The following RAD54L2 variants were observed in gnomAD, a reference collection of about 807,000 sequenced individuals.
The protein encoded by RAD54L2 is helicase ARIP4.
Under a neutral mutation model 138.4 loss-of-function variants are expected in RAD54L2, and 27 were observed. That is an observed-to-expected ratio of 0.20 (90% CI 0.14 to 0.27). RAD54L2 has a LOEUF of 0.27. Among genes scored for constraint, RAD54L2 ranks in the 10% least tolerant of loss-of-function variants. RAD54L2 has a pLI of 1.00. For synonymous variants in RAD54L2, 644 were observed against 723.2 expected (o/e 0.89, Z 1.76); for missense variants, 1,396 against 1,890.2 (o/e 0.74, Z 4.85).
At chr3:51,632,109 T>C (rs1700859804) in intron 7 of RAD54L2, among the ~76,000 whole-genome samples, 2 of 152,376 alleles carry the variant, frequency 1.3e-5, no homozygotes, top group South Asian at 4.1e-4. Context: ...GGGTTTCATT[T>C]AACATAATGA....
In RAD54L2 at chr3:51,645,268, C is replaced by A; in HGVS notation, c.2656+39C>A. On this transcript the variant is annotated intron_variant, in intron 17 of 22. Coordinates refer to ENST00000684192, the MANE Select transcript of RAD54L2 (RefSeq NM_015106.4). This position sits in a 1 kb window ranked among gnomAD's most constrained non-coding sequence, Gnocchi z 6.1. ...CAGACTTCGGAGAGGCACATCTATA[C>A]AGGCTACCATCCTTTTAGTATCAAG... is the stretch of plus-strand genomic sequence containing the variant. 1 of 1,536,538 alleles carries A rather than the reference C, an allele frequency of 6.5e-7. No homozygotes were observed. Among genetic ancestry groups the A allele is most frequent in the Non-Finnish European group, 8.9e-7 (1 of 1,121,696 alleles).
chr3:51,547,206 G>T (rs1451241466), intron 2 of RAD54L2, among the ~76,000 whole-genome samples: 1 of 151,960 alleles, frequency 6.6e-6, no homozygotes, highest in South Asian at 2.1e-4. Flanking sequence ...ATAAAAATTA[G>T]CTGGGCAAGG....
intron 2 of RAD54L2, among the ~76,000 whole-genome samples, chr3:51,578,915 G>A (rs901876926): frequency 4.6e-5 from 7 of 152,146 alleles, no homozygotes; most frequent in South Asian, 2.1e-4. Flanking sequence ...GAGGTCACAC[G>A]AACGAATTGA....
chr3:51,660,768 C>G (rs1385266763), intron 22 of RAD54L2, among the ~76,000 whole-genome samples: 1 of 151,490 alleles, frequency 6.6e-6, no homozygotes, highest in Admixed American at 6.6e-5. Context: ...ATTACAGAAG[C>G]ATGCCACCAC....
At position 51,645,708 on chromosome 3, in the gene RAD54L2, T is replaced by C. The variant is rs781150838; in HGVS notation, c.2774T>C (p.Ile925Thr). Residue 925 changes from isoleucine (I) to threonine (T), a missense_variant, in exon 18 of 23, where the codon ATC (isoleucine) becomes ACC (threonine). Around this residue, in one of 7 missense-constraint regions of RAD54L2, gnomAD observed 634 missense variants for 711.2 expected, o/e 0.89. Coordinates refer to ENST00000684192, the MANE Select transcript of RAD54L2 (RefSeq NM_015106.4). The surrounding 1 kb of genome is among the most constrained non-coding windows in gnomAD (Gnocchi z 6.1). ...APQVSLNVKG[I>T]KESVLQLACL... ...CAAGTTTCCTTGAACGTAAAGGGGATCAAGGAGTCAGTCCTGCAACTGGCC... is the reference window on the plus strand; with the variant it reads ...CAAGTTTCCTTGAACGTAAAGGGGACCAAGGAGTCAGTCCTGCAACTGGCC... 3.7e-6 allele frequency: 6 copies of C among 1,612,784 alleles called. No homozygotes were observed. The highest frequency in any genetic ancestry group is 5.1e-6 in the Non-Finnish European group (6 of 1,179,504).
intron 2 of RAD54L2, among the ~76,000 whole-genome samples, chr3:51,583,228 TCTC>T (rs1213079293): frequency 1.3e-5 from 2 of 152,180 alleles, no homozygotes; most frequent in Admixed American, 6.6e-5. Context: ...GATTCCTAGA[TCTC>T]CTTCAACATA....
chr3:51,601,926 G>A (rs1327628927), intron 3 of RAD54L2, among the ~76,000 whole-genome samples: 2 of 151,324 alleles, frequency 1.3e-5, no homozygotes, highest in Non-Finnish European at 2.9e-5. Flanking sequence ...GTGCGATCTC[G>A]GCTTACTGCA....
At chr3:51,629,232 C>A in intron 4 of RAD54L2, 102 bp from the exon 5 acceptor site, 1 of 1,325,686 alleles carries the variant, frequency 7.5e-7, no homozygotes, top group Non-Finnish European at 1.0e-6. Flanking sequence ...CTTCTCCCGC[C>A]TCGACTCTGA....
At position 51,633,729 on chromosome 3, in the gene RAD54L2, G is replaced by A. The variant is rs753671462; in HGVS notation, c.978G>A (p.Thr326=). Residue 326 remains threonine (T), a synonymous_variant, in exon 8 of 23, where the codon ACG becomes ACA. Transcript: ENST00000684192. ...ISFIDVLFRH[T]PAKTVLAIVP... is the part of the protein sequence containing the mutation. ...TCATCGACGTCCTCTTCCGCCACAC[G>A]CCAGCCAAAACAGTCCTTGCCATTG... The A allele has an allele frequency of 6.5e-5, 105 of 1,613,712 alleles. No individual in the cohort carries two copies. The highest frequency in any genetic ancestry group is 2.2e-4 in the East Asian group (10 of 44,894).
chr3:51,550,509 T>G (rs1005329862), intron 2 of RAD54L2, among the ~76,000 whole-genome samples: 2 of 152,154 alleles, frequency 1.3e-5, no homozygotes, highest in Admixed American at 6.6e-5. Context: ...ATGCCTGTAA[T>G]CCCAACACTT....
At chr3:51,594,648 C>T (rs368900623) in intron 3 of RAD54L2, among the ~76,000 whole-genome samples, 13 of 151,948 alleles carry the variant, frequency 8.6e-5, no homozygotes, top group East Asian at 3.9e-4. Flanking sequence ...TATTGTTGAG[C>T]AGAGGTGGAA....
At chr3:51,612,302 T>TA (rs1180263711) in intron 3 of RAD54L2, among the ~76,000 whole-genome samples, 3 of 152,062 alleles carry the variant, frequency 2.0e-5, no homozygotes, top group South Asian at 2.1e-4. Flanking sequence ...CCATCTTTAC[T>TA]AAAAAAACAG....
At chr3:51,622,381 C>T (rs761838782) in intron 3 of RAD54L2, among the ~76,000 whole-genome samples, 2 of 152,176 alleles carry the variant, frequency 1.3e-5, no homozygotes, top group Non-Finnish European at 2.9e-5. Context: ...AGGCCTATTA[C>T]AGACCGGTGG....
chr3:51,643,814 G>A, intron 15 of RAD54L2, 61 bp from the exon 16 acceptor site: 1 of 1,289,708 alleles, frequency 7.8e-7, no homozygotes. Flanking sequence ...TTTGCCCAGT[G>A]ATTTTGCTGT....
In RAD54L2 at chr3:51,645,313, A is replaced by T; in HGVS notation, c.2656+84A>T. Reference sequence around the variant, plus strand: ...ATCAAGGGTGGGAGAGGAGCAGGATATGGGAACACAGGCAGGCTTCGAGAA... The same window carrying T: ...ATCAAGGGTGGGAGAGGAGCAGGATTTGGGAACACAGGCAGGCTTCGAGAA... On this transcript the variant is annotated intron_variant, in intron 17 of 22. Transcript: ENST00000684192. This position sits in a 1 kb window ranked among gnomAD's most constrained non-coding sequence, Gnocchi z 6.1. The T allele has an allele frequency of 7.4e-7, 1 of 1,353,308 alleles. No individual in the cohort carries two copies. The highest frequency in any genetic ancestry group is 1.0e-6 in the Non-Finnish European group (1 of 972,350). The allele number at this position is 1,353,308 out of a possible 1,614,324, so 83.8% of individuals were successfully genotyped here.
intron 3 of RAD54L2, among the ~76,000 whole-genome samples, chr3:51,614,392 G>A (rs1354224808): frequency 1.3e-5 from 2 of 151,844 alleles, no homozygotes; most frequent in Non-Finnish European, 2.9e-5. Context: ...TCGAACTCCT[G>A]ACCTCAAGCG....
At chr3:51,543,774 C>T (rs1229772132) in intron 2 of RAD54L2, among the ~76,000 whole-genome samples, 2 of 152,092 alleles carry the variant, frequency 1.3e-5, no homozygotes, top group African/African-American at 4.8e-5. Flanking sequence ...ACGTGAGGCT[C>T]AGTTATAGTG....
intron 3 of RAD54L2, among the ~76,000 whole-genome samples, chr3:51,606,937 A>C (rs537604630): frequency 1.3e-5 from 2 of 151,584 alleles, no homozygotes; most frequent in African/African-American, 4.8e-5. Context: ...CCACCTTGGC[A>C]TCCCAAAGTG....
chr3:51,590,051 C>T (rs949653788), intron 2 of RAD54L2, among the ~76,000 whole-genome samples: 6 of 152,216 alleles, frequency 3.9e-5, no homozygotes, highest in East Asian at 1.9e-4. Flanking sequence ...AATGCAGTGG[C>T]GCCATCTTGG....
Sources: gnomAD v4.1 joint callset for allele counts (sites outside exome capture counted in the v4.1 genomes callset) on GRCh38, gnomAD v4.1.1 for gene constraint, gnomAD v4.1.1 regional missense constraint, Gnocchi (gnomAD v3.1) non-coding constraint, MANE v1.5 for transcripts, NCBI Gene and HGNC (gene_info 2026-07-23, HGNC 2026-07-21) for gene names.